The following PCBD2 variants were observed in gnomAD, a reference collection of about 807,000 sequenced individuals.
PCBD2 encodes the protein pterin-4-alpha-carbinolamine dehydratase 2.
Under a neutral mutation model 16.4 loss-of-function variants are expected in PCBD2, and 12 were observed. That is an observed-to-expected ratio of 0.73 (90% CI 0.47 to 1.19). The LOEUF (loss-of-function observed/expected upper bound fraction) is 1.19, where lower values mean the gene tolerates loss of function less well. PCBD2 is among the 50% of genes most tolerant of loss of function. PCBD2 has a pLI of 0.00. For missense variants in PCBD2, 138 were observed against 156.8 expected (o/e 0.88, Z 0.64); for synonymous variants, 58 against 61.8 (o/e 0.94, Z 0.29).
intron 1 of PCBD2, among the ~76,000 whole-genome samples, chr5:134,907,598 G>A (rs1050995378): frequency 1.3e-5 from 2 of 151,550 alleles, no homozygotes; most frequent in Non-Finnish European, 2.9e-5. Context: ...ACTGTCACTG[G>A]AAAACTGATG....
intron 2 of PCBD2, among the ~76,000 whole-genome samples, chr5:134,917,959 G>C (rs1391200676): frequency 2.6e-5 from 4 of 152,202 alleles, no homozygotes; most frequent in Admixed American, 2.0e-4. Context: ...TGAAGTCAAA[G>C]GCTTGATGAT....
At chr5:134,907,532 C>A (rs1014038707) in intron 1 of PCBD2, among the ~76,000 whole-genome samples, 1 of 151,938 alleles carries the variant, frequency 6.6e-6, no homozygotes, top group African/African-American at 2.4e-5. Context: ...TGAGCCACCA[C>A]GCCTGGCCAA....
chr5:134,931,585 C>T (rs1751096196), intron 2 of PCBD2, among the ~76,000 whole-genome samples: 1 of 152,198 alleles, frequency 6.6e-6, no homozygotes, highest in African/African-American at 2.4e-5. Context: ...AGTTAAAGAG[C>T]TTGCTCAAAC....
intron 1 of PCBD2, among the ~76,000 whole-genome samples, chr5:134,907,624 A>AT (rs939876136): frequency 1.3e-3 from 193 of 144,918 alleles, no homozygotes; most frequent in East Asian, 4.8e-3. Context: ...ATCTCTTTTG[A>AT]TTTTTTTTTT....
At chr5:134,955,058 T>G (rs576883273) in intron 2 of PCBD2, among the ~76,000 whole-genome samples, 1 of 152,054 alleles carries the variant, frequency 6.6e-6, no homozygotes, top group African/African-American at 2.4e-5. Context: ...TTTTCATCCT[T>G]ATTGATGAAT....
chr5:134,937,817 C>T (rs904071920), intron 2 of PCBD2, among the ~76,000 whole-genome samples: 2 of 152,172 alleles, frequency 1.3e-5, no homozygotes, highest in Non-Finnish European at 2.9e-5. Flanking sequence ...TTACATCTGC[C>T]CTGAGAACCA....
At chr5:134,937,811 A>G (rs530064558) in intron 2 of PCBD2, among the ~76,000 whole-genome samples, 2 of 152,364 alleles carry the variant, frequency 1.3e-5, no homozygotes, top group South Asian at 4.1e-4. Context: ...AAAATGTTAC[A>G]TCTGCCCTGA....
intron 2 of PCBD2, among the ~76,000 whole-genome samples, chr5:134,911,167 A>G (rs1374839305): frequency 6.6e-6 from 1 of 152,092 alleles, no homozygotes; most frequent in African/African-American, 2.4e-5. Flanking sequence ...ATTTTCCCTG[A>G]CTTTTTCTGG....
At chr5:134,949,253 G>A (rs1751333030) in intron 2 of PCBD2, among the ~76,000 whole-genome samples, 1 of 152,070 alleles carries the variant, frequency 6.6e-6, no homozygotes, top group Non-Finnish European at 1.5e-5. Context: ...CTGGTTTTCT[G>A]AGCCTTGTAA....
intron 1 of PCBD2, among the ~76,000 whole-genome samples, chr5:134,907,980 G>A (rs1370704756): frequency 6.6e-6 from 1 of 150,814 alleles, no homozygotes; most frequent in African/African-American, 2.4e-5. Context: ...GGAATGCAGT[G>A]GTGATCATAG....
At chr5:134,921,250 G>C (rs529185906) in intron 2 of PCBD2, among the ~76,000 whole-genome samples, 1 of 152,214 alleles carries the variant, frequency 6.6e-6, no homozygotes, top group South Asian at 2.1e-4. Context: ...CTGGGGAGGT[G>C]GCACATCTGA....
At position 134,957,851 on chromosome 5, in the gene PCBD2, G is replaced by A. The variant is rs115701856; in HGVS notation, c.217-1189G>A. On this transcript the variant is annotated intron_variant, in intron 2 of 3. Coordinates refer to ENST00000254908, the MANE Select transcript of PCBD2 (RefSeq NM_032151.5). ...CTTGAACTTTCTCCCTTTTCCTATA[G>A]GGAAAACCTTCAGGCCTCAAATGTC... is the stretch of plus-strand genomic sequence containing the variant. 6.6e-3 allele frequency among the ~76,000 whole-genome samples: 1,002 copies of A among 152,222 alleles called. 9 individuals are homozygous for A. The highest frequency in any genetic ancestry group is 0.023 in the African/African-American group (964 of 41,526).
intron 2 of PCBD2, among the ~76,000 whole-genome samples, chr5:134,911,475 C>A (rs1340273590): frequency 6.6e-6 from 1 of 152,182 alleles, no homozygotes; most frequent in Non-Finnish European, 1.5e-5. Context: ...GTTTGGTAAT[C>A]CTTTGGACAG....
intron 2 of PCBD2, among the ~76,000 whole-genome samples, chr5:134,943,547 A>G (rs1287158071): frequency 6.6e-6 from 1 of 152,216 alleles, no homozygotes; most frequent in Non-Finnish European, 1.5e-5. Flanking sequence ...TGTTGCCTGA[A>G]AAGGATACTT....
At chr5:134,922,878 G>A (rs572627407) in intron 2 of PCBD2, among the ~76,000 whole-genome samples, 16 of 152,078 alleles carry the variant, frequency 1.1e-4, no homozygotes, top group African/African-American at 3.1e-4. Context: ...GGGTTTCACC[G>A]TGTTAGCCAG....
chr5:134,942,284 A>G (rs762551617), intron 2 of PCBD2, among the ~76,000 whole-genome samples: 49 of 151,920 alleles, frequency 3.2e-4, no homozygotes, highest in Admixed American at 9.2e-4. Flanking sequence ...GACATAGGGG[A>G]CTTGAATTTG....
In PCBD2 at chr5:134,939,374, A is replaced by C. The variant is rs115015503; in HGVS notation, c.217-19666A>C. On this transcript the variant is annotated intron_variant, in intron 2 of 3. Transcript: ENST00000254908. The stretch of plus-strand genomic sequence containing the variant: ...TTTTTGAGATTCTGAAGTTTTTAGA[A>C]GTTTGTATTTATAACTTTTTAAGCC... 5.9e-3 allele frequency among the ~76,000 whole-genome samples: 891 copies of C among 151,774 alleles called. 4 individuals carry two copies. Among genetic ancestry groups the C allele is most frequent in the South Asian group, 0.011 (53 of 4,796 alleles).
chr5:134,941,073 C>T lies in PCBD2; in HGVS notation c.217-17967C>T, dbSNP rs144289649. ...GAGGTTGCAGTGAGCCAAGATCACG[C>T]CACTGCACTCGAGCCTGGGCAATAG... On this transcript the variant is annotated intron_variant, in intron 2 of 3. Transcript: ENST00000254908. Among the ~76,000 whole-genome samples, 863 of 149,124 alleles carry T rather than the reference C, an allele frequency of 5.8e-3. 8 individuals carry two copies. The highest frequency in any genetic ancestry group is 0.021 in the African/African-American group (825 of 40,136).
intron 2 of PCBD2, among the ~76,000 whole-genome samples, chr5:134,933,954 A>T (rs974054758): frequency 6.6e-6 from 1 of 152,224 alleles, no homozygotes; most frequent in Non-Finnish European, 1.5e-5. Flanking sequence ...AAATATTTTC[A>T]CAGAAATATT....
Sources: allele counts gnomAD v4.1 joint callset (sites outside exome capture counted in the v4.1 genomes callset), GRCh38; gene constraint gnomAD v4.1.1; transcripts MANE v1.5; gene names NCBI Gene and HGNC (gene_info 2026-07-23, HGNC 2026-07-21).